ANGPT2: variants seen among roughly 807,000 people sequenced by gnomAD.
The protein encoded by ANGPT2 is angiopoietin-2.
ANGPT2 carries 28 observed loss-of-function variants against 62.9 expected under a neutral mutation model. The ratio of observed to expected loss-of-function variants is 0.44; its 90% CI spans 0.33 to 0.61. The LOEUF is 0.61. Ranked by LOEUF, ANGPT2 falls within the 20% of genes least tolerant of loss-of-function variation. ANGPT2 has a pLI of 0.03. For missense variants in ANGPT2, 727 were observed against 594.9 expected (o/e 1.22, Z -2.31); for synonymous variants, 284 against 207.8 (o/e 1.37, Z -3.15).
In ANGPT2 at chr8:6,521,415, T is replaced by C. The variant is rs1186196874; in HGVS notation, c.567-5A>G. ...AGCACCTTCTTTTCTAGGAAACTTG[T>C]AAGGAAAAGAATTGTTAGTTAGTGA... On this transcript the variant is annotated splice_polypyrimidine_tract_variant and splice_region_variant and intron_variant, in intron 3 of 8. Transcript: ENST00000629816. The C allele has an allele frequency of 7.5e-6, 12 of 1,596,428 alleles. No homozygotes were observed. In the East Asian group the frequency reaches 2.7e-4, roughly 36 times the overall value.
chr8:6,520,045 C>G (rs1817021252), intron 4 of ANGPT2, 54 bp from the exon 5 acceptor site: 3 of 1,590,084 alleles, frequency 1.9e-6, no homozygotes, highest in Non-Finnish European at 2.6e-6. Context: ...AAGACAAAGA[C>G]TTGTTATTTC....
intron 1 of ANGPT2, among the ~76,000 whole-genome samples, chr8:6,548,728 T>TAA (rs1266654393): frequency 6.6e-6 from 1 of 152,192 alleles, no homozygotes; most frequent in East Asian, 1.9e-4. Flanking sequence ...GGCAAAATTA[T>TAA]TGTGTATAAC....
At chr8:6,508,627 C>A in intron 8 of ANGPT2, 2 of 560,170 alleles carry the variant, frequency 3.6e-6, no homozygotes, top group South Asian at 5.2e-5. Flanking sequence ...AACCATCTCT[C>A]TAGTATCCAG....
At chr8:6,538,284 A>G (rs1450319789) in intron 1 of ANGPT2, among the ~76,000 whole-genome samples, 4 of 152,122 alleles carry the variant, frequency 2.6e-5, no homozygotes, top group African/African-American at 7.2e-5. Flanking sequence ...ACACACACAC[A>G]TACACGTTTT....
intron 2 of ANGPT2, among the ~76,000 whole-genome samples, chr8:6,531,447 C>T (rs2129571636): frequency 6.6e-6 from 1 of 152,140 alleles, no homozygotes; most frequent in South Asian, 2.1e-4. Flanking sequence ...CGCCACCACA[C>T]CTGGCTAATT....
intron 8 of ANGPT2, among the ~76,000 whole-genome samples, chr8:6,505,247 T>TA (rs398006995): frequency 3.6e-5 from 3 of 83,512 alleles, no homozygotes; most frequent in South Asian, 3.3e-4. Flanking sequence ...AGAATATATA[T>TA]TCTTTATATA....
At chr8:6,556,905 C>A (rs1372606700) in intron 1 of ANGPT2, among the ~76,000 whole-genome samples, 1 of 152,094 alleles carries the variant, frequency 6.6e-6, no homozygotes, top group African/African-American at 2.4e-5. Context: ...ATTTTCTTCC[C>A]CCTCTGACTT....
intron 7 of ANGPT2, among the ~76,000 whole-genome samples, chr8:6,509,498 C>G (rs1351094276): frequency 6.6e-6 from 1 of 152,150 alleles, no homozygotes; most frequent in Non-Finnish European, 1.5e-5. Flanking sequence ...ATGCAGCAGA[C>G]AAGGAATGGC....
intron 1 of ANGPT2, among the ~76,000 whole-genome samples, chr8:6,545,055 A>G (rs550987658): frequency 6.6e-6 from 1 of 152,160 alleles, no homozygotes; most frequent in Non-Finnish European, 1.5e-5. Flanking sequence ...CATCACAGAC[A>G]TCATGTTGGG....
chr8:6,528,955 G>T (rs1190731994), intron 2 of ANGPT2, among the ~76,000 whole-genome samples: 1 of 152,216 alleles, frequency 6.6e-6, no homozygotes, highest in East Asian at 1.9e-4. Context: ...TTAACACCTG[G>T]AATATACATT....
chr8:6,533,756 TA>T (rs1819981331), intron 1 of ANGPT2, among the ~76,000 whole-genome samples: 1 of 152,130 alleles, frequency 6.6e-6, no homozygotes, highest in Non-Finnish European at 1.5e-5. Context: ...TGCCCTCCTT[TA>T]AAAACTTAGA....
At chr8:6,554,053 A>G (rs952664819) in intron 1 of ANGPT2, among the ~76,000 whole-genome samples, 2 of 151,250 alleles carry the variant, frequency 1.3e-5, no homozygotes, top group African/African-American at 4.9e-5. Context: ...AACAGTCATA[A>G]TGAAGGTGCT....
At chr8:6,515,365 T>G (rs944054895) in intron 5 of ANGPT2, among the ~76,000 whole-genome samples, 4 of 152,196 alleles carry the variant, frequency 2.6e-5, no homozygotes, top group Admixed American at 2.6e-4. Context: ...CACAAGGGCC[T>G]TGAGGCTCCA....
chr8:6,517,557 A>G lies in ANGPT2; in HGVS notation c.927+2307T>C, dbSNP rs570269972. ...GACCAATTGAACATTCTTTTCTTGA[A>G]TTAGATAAATGAGTGCAGAATCGGG... On this transcript the variant is annotated intron_variant, in intron 5 of 8. Coordinates refer to ENST00000629816, the MANE Select transcript of ANGPT2 (RefSeq NM_001118887.2). 5.9e-5 allele frequency among the ~76,000 whole-genome samples: 9 copies of G among 152,364 alleles called. No individual in the cohort carries two copies. The South Asian group carries it at 1.9e-3, about 32-fold the overall frequency.
chr8:6,541,876 C>G (rs1027797843), intron 1 of ANGPT2, among the ~76,000 whole-genome samples: 8 of 151,852 alleles, frequency 5.3e-5, no homozygotes, highest in Admixed American at 1.3e-4. Context: ...GACATGGTGG[C>G]TCATGCCTGT....
intron 6 of ANGPT2, among the ~76,000 whole-genome samples, chr8:6,514,260 G>C (rs549181837): frequency 6.6e-6 from 1 of 152,142 alleles, no homozygotes; most frequent in Non-Finnish European, 1.5e-5. Flanking sequence ...TGTGATCTTG[G>C]CTGACTGCAC....
chr8:6,519,617 T>C (rs1318687811), intron 5 of ANGPT2, among the ~76,000 whole-genome samples: 1 of 152,218 alleles, frequency 6.6e-6, no homozygotes, highest in Non-Finnish European at 1.5e-5. Context: ...GGAGAATGTA[T>C]TTCTTGCCGA....
chr8:6,516,687 A>T (rs923399194), intron 5 of ANGPT2, among the ~76,000 whole-genome samples: 1 of 152,224 alleles, frequency 6.6e-6, no homozygotes, highest in African/African-American at 2.4e-5. Context: ...CATATATTGA[A>T]GTTAATTCTG....
chr8:6,550,790 G>A (rs1291319567), intron 1 of ANGPT2, among the ~76,000 whole-genome samples: 3 of 152,168 alleles, frequency 2.0e-5, no homozygotes, highest in African/African-American at 7.2e-5. Context: ...TACCCATATA[G>A]GACAAGCTGT....
Sources: allele counts gnomAD v4.1 joint callset (sites outside exome capture counted in the v4.1 genomes callset), GRCh38; gene constraint gnomAD v4.1.1; transcripts MANE v1.5; gene names NCBI Gene and HGNC (gene_info 2026-07-23, HGNC 2026-07-21).